JARID2: variants seen among roughly 807,000 people sequenced by gnomAD.
JARID2 encodes protein Jumonji.
A neutral mutation model predicts 125.6 loss-of-function variants in JARID2; 21 were observed. That is an observed-to-expected ratio of 0.17 (90% CI 0.12 to 0.24). The LOEUF (loss-of-function observed/expected upper bound fraction) is 0.24, where lower values mean the gene tolerates loss of function less well. Ranked by LOEUF, JARID2 falls within the 10% of genes least tolerant of loss-of-function variation. The probability of loss-of-function intolerance (pLI) is 1.00; values close to 1 mark genes in which losing one functional copy is unlikely to be tolerated. For missense variants in JARID2, 1,303 were observed against 1,639.6 expected (o/e 0.79, Z 3.55); for synonymous variants, 736 against 661.6 (o/e 1.11, Z -1.73).
chr6:15,345,941 G>T (rs1000340238), intron 1 of JARID2, among the ~76,000 whole-genome samples: 3 of 152,172 alleles, frequency 2.0e-5, no homozygotes, highest in African/African-American at 7.2e-5. Context: ...GGATAAGTTA[G>T]CTTTTCTTTC....
At chr6:15,306,092 C>T (rs1369631637) in intron 1 of JARID2, among the ~76,000 whole-genome samples, 1 of 152,134 alleles carries the variant, frequency 6.6e-6, no homozygotes, top group Non-Finnish European at 1.5e-5. Flanking sequence ...ATCCTCGAGG[C>T]TTACAGTTTT....
intron 1 of JARID2, among the ~76,000 whole-genome samples, chr6:15,350,726 T>A: frequency 7.0e-6 from 1 of 142,614 alleles, no homozygotes; most frequent in African/African-American, 2.7e-5. Flanking sequence ...AATCATAGTT[T>A]AAGGTTTTTT....
intron 4 of JARID2, among the ~76,000 whole-genome samples, chr6:15,465,314 T>A (rs980338892): frequency 3.3e-5 from 5 of 152,032 alleles, no homozygotes; most frequent in Non-Finnish European, 5.9e-5. Flanking sequence ...TTATCTGGGT[T>A]TGGTGGTGTG....
At chr6:15,465,880 T>C (rs1169854296) in intron 4 of JARID2, among the ~76,000 whole-genome samples, 2 of 152,098 alleles carry the variant, frequency 1.3e-5, no homozygotes, top group Non-Finnish European at 2.9e-5. Context: ...CTCGGCTCAC[T>C]GCAACCTTCG....
intron 1 of JARID2, among the ~76,000 whole-genome samples, chr6:15,329,545 A>G (rs1009864254): frequency 1.3e-5 from 2 of 152,178 alleles, no homozygotes; most frequent in African/African-American, 4.8e-5. Flanking sequence ...TCCCCACTGG[A>G]GGATGCACAG....
At chr6:15,334,097 C>G (rs554780811) in intron 1 of JARID2, among the ~76,000 whole-genome samples, 58 of 152,298 alleles carry the variant, frequency 3.8e-4, no homozygotes, top group African/African-American at 1.2e-3. Flanking sequence ...ATGTATAAGT[C>G]TGTACGGTTG....
At chr6:15,337,363 T>C (rs1173251402) in intron 1 of JARID2, among the ~76,000 whole-genome samples, 1 of 152,248 alleles carries the variant, frequency 6.6e-6, no homozygotes, top group East Asian at 1.9e-4. Flanking sequence ...TGTATGTGTC[T>C]CTAAAGCTCG....
chr6:15,513,731 C>A (rs1321491094), intron 16 of JARID2, among the ~76,000 whole-genome samples: 1 of 152,234 alleles, frequency 6.6e-6, no homozygotes, highest in East Asian at 1.9e-4. Context: ...TCACTCCAGC[C>A]CCCACGCACT....
At chr6:15,286,463 G>C (rs1354224278) in intron 1 of JARID2, among the ~76,000 whole-genome samples, 1 of 151,564 alleles carries the variant, frequency 6.6e-6, no homozygotes, top group Non-Finnish European at 1.5e-5. Flanking sequence ...TGTTGACCGG[G>C]CTGTTCTTGA....
At chr6:15,508,583 G>A in intron 12 of JARID2, 129 bp downstream of exon 12, 1 of 637,906 alleles carries the variant, frequency 1.6e-6, no homozygotes, top group Non-Finnish European at 2.8e-6. Context: ...CTGTGTTCAG[G>A]CCTGTCCTGC....
chr6:15,282,782 G>A (rs948936954), intron 1 of JARID2, among the ~76,000 whole-genome samples: 4 of 151,674 alleles, frequency 2.6e-5, no homozygotes, highest in African/African-American at 7.3e-5. Flanking sequence ...TGTATTTTTA[G>A]TAGAGACAGG....
At chr6:15,452,522 G>GTT (rs201365481) in intron 4 of JARID2, among the ~76,000 whole-genome samples, 7 of 151,328 alleles carry the variant, frequency 4.6e-5, no homozygotes, top group Non-Finnish European at 8.9e-5. Context: ...TTGTAAGGCA[G>GTT]TTTTTTTTTG....
At chr6:15,427,238 A>G (rs936318208) in intron 3 of JARID2, among the ~76,000 whole-genome samples, 3 of 152,198 alleles carry the variant, frequency 2.0e-5, no homozygotes, top group African/African-American at 4.8e-5. Flanking sequence ...GATGGAAGGA[A>G]TCGCAAAGCC....
At chr6:15,502,330 G>A (rs1581654562) in intron 8 of JARID2, among the ~76,000 whole-genome samples, 1 of 152,244 alleles carries the variant, frequency 6.6e-6, no homozygotes, top group Admixed American at 6.5e-5. Context: ...CCAGCTGGCC[G>A]AGCTCAGCTA....
At chr6:15,318,009 A>G (rs75948050) in intron 1 of JARID2, among the ~76,000 whole-genome samples, 1,571 of 152,276 alleles carry the variant, frequency 0.01, 36 homozygotes, top group African/African-American at 0.035. Flanking sequence ...TGAAGTTGCT[A>G]GGTTTTGAGT....
In JARID2 at chr6:15,501,339, A is replaced by C. The variant is rs752196185; in HGVS notation, c.2378A>C (p.Glu793Ala). 1.5e-5 allele frequency: 24 copies of C among 1,603,416 alleles called. No homozygotes were observed. The highest frequency in any genetic ancestry group is 2.0e-5 in the Non-Finnish European group (24 of 1,174,254). Residue 793 changes from glutamate to alanine, a missense_variant, in exon 8 of 18, where the codon GAA (glutamate) becomes GCA (alanine). Transcript: ENST00000341776. ...KTGRRRLFAQ[E>A]KEVVKEEEED... is the part of the protein sequence containing the mutation. ...GGCCGGCGGCGACTCTTCGCTCAGG[A>C]AAAAGAAGTGGTCAAGGAAGAGGAG...
At chr6:15,361,263 CAGGT>C (rs1581455693) in intron 1 of JARID2, among the ~76,000 whole-genome samples, 1 of 152,170 alleles carries the variant, frequency 6.6e-6, no homozygotes, top group East Asian at 1.9e-4. Context: ...ATCTCTTGTA[CAGGT>C]AACTGCCTCA....
At chr6:15,289,585 A>G (rs1761130460) in intron 1 of JARID2, among the ~76,000 whole-genome samples, 2 of 151,692 alleles carry the variant, frequency 1.3e-5, no homozygotes, top group Admixed American at 1.3e-4. Context: ...GGCCGGGCGC[A>G]GTGAGTCACA....
rs1771874159 is a variant in JARID2 at position 15,521,861 on chromosome 6, C to G, written c.*1610C>G. The G allele has an allele frequency of 6.6e-6, 1 of 152,234 alleles. No homozygotes were observed. The highest frequency in any genetic ancestry group is 1.5e-5 in the Non-Finnish European group (1 of 68,052). 9.4% of individuals were successfully genotyped at this position (152,234 alleles called of 1,614,324 possible). A position where few individuals can be genotyped will look rare whatever the true frequency, so the allele number is the denominator to read the frequency against. ...TGCTGTGTACTTTCCCTCTTTTTGACAGTAAACTTCTGCCTATGGCTTACA... is the reference window on the plus strand; with the variant it reads ...TGCTGTGTACTTTCCCTCTTTTTGAGAGTAAACTTCTGCCTATGGCTTACA... On this transcript the variant is annotated 3_prime_UTR_variant, in exon 18 of 18. Transcript: ENST00000341776.
Sources: gnomAD v4.1 joint callset for allele counts (sites outside exome capture counted in the v4.1 genomes callset) on GRCh38, gnomAD v4.1.1 for gene constraint, MANE v1.5 for transcripts, NCBI Gene and HGNC (gene_info 2026-07-23, HGNC 2026-07-21) for gene names.